Variants in SNX29 observed in about 807,000 individuals in gnomAD.
SNX29 encodes the protein sorting nexin-29.
SNX29 carries 78 observed loss-of-function variants against 102.1 expected under a neutral mutation model. The ratio of observed to expected loss-of-function variants is 0.76; its 90% confidence interval spans 0.64 to 0.92. SNX29 has a LOEUF of 0.92. Ranked by LOEUF, SNX29 falls within the 40% of genes least tolerant of loss-of-function variation. SNX29 has a pLI of 0.00. For synonymous variants in SNX29, 580 were observed against 414.5 expected, an observed-to-expected ratio of 1.40 and a Z score of -4.85; for missense variants, 1,280 against 1,061.7, an observed-to-expected ratio of 1.21 and a Z score of -2.86.
chr16:12,109,313 C>A (rs1285910936), intron 11 of SNX29, among the ~76,000 whole-genome samples: 1 of 151,668 alleles, frequency 6.6e-6, no homozygotes, highest in Non-Finnish European at 1.5e-5. Context: ...GAGCTCAGGT[C>A]TCTCTTCCTC....
At chr16:12,545,444 A>G (rs1002184438) in intron 20 of SNX29, 1 of 152,226 alleles carries the variant, frequency 6.6e-6, no homozygotes, top group Non-Finnish European at 1.5e-5. Context: ...TGTTCCTTCC[A>G]GGGCTTGTGG....
At chr16:12,245,625 T>C (rs1004749145) in intron 14 of SNX29, among the ~76,000 whole-genome samples, 1 of 152,124 alleles carries the variant, frequency 6.6e-6, no homozygotes, top group African/African-American at 2.4e-5. Context: ...AACCCGTCGT[T>C]GTGATTTAGC....
At chr16:12,550,421 C>G (rs2856778) in intron 20 of SNX29, among the ~76,000 whole-genome samples, 24 of 151,680 alleles carry the variant, frequency 1.6e-4, no homozygotes, top group African/African-American at 5.3e-4. Context: ...TGTACTCCCA[C>G]CTACTTGGGA....
At chr16:12,421,506 A>G (rs1292582129) in intron 18 of SNX29, among the ~76,000 whole-genome samples, 2 of 152,364 alleles carry the variant, frequency 1.3e-5, no homozygotes, top group East Asian at 1.9e-4. Context: ...CCCTTAACAC[A>G]TATAGGGTGT....
intron 6 of SNX29, among the ~76,000 whole-genome samples, chr16:12,047,063 C>T (rs545269948): frequency 3.3e-5 from 5 of 152,234 alleles, no homozygotes; most frequent in Non-Finnish European, 7.3e-5. Flanking sequence ...GGCTTTACCC[C>T]TTGCTACCTG....
At chr16:12,549,301 C>T (rs762918952) in intron 20 of SNX29, among the ~76,000 whole-genome samples, 2 of 152,108 alleles carry the variant, frequency 1.3e-5, no homozygotes, top group African/African-American at 2.4e-5. Context: ...TGGAAACCAG[C>T]CTGGTCAATA....
chr16:12,160,008 T>G (rs2055715952), intron 13 of SNX29, among the ~76,000 whole-genome samples: 1 of 152,148 alleles, frequency 6.6e-6, no homozygotes, highest in Admixed American at 6.5e-5. Flanking sequence ...CTGGGAACTC[T>G]AAGTAAGTCC....
chr16:12,293,866 A>G (rs928302588), intron 15 of SNX29, among the ~76,000 whole-genome samples: 6 of 152,204 alleles, frequency 3.9e-5, no homozygotes, highest in Non-Finnish European at 7.3e-5. Flanking sequence ...CAGTGCTTAT[A>G]CGGTGCCAGG....
At chr16:12,118,294 T>C (rs530521371) in intron 11 of SNX29, among the ~76,000 whole-genome samples, 1 of 144,768 alleles carries the variant, frequency 6.9e-6, no homozygotes, top group Non-Finnish European at 1.5e-5. Flanking sequence ...AGACTGTAGA[T>C]AGTAGATATA....
intron 11 of SNX29, among the ~76,000 whole-genome samples, chr16:12,124,502 TC>T (rs1451914876): frequency 6.6e-6 from 1 of 152,242 alleles, no homozygotes; most frequent in Non-Finnish European, 1.5e-5. Flanking sequence ...AATTATTATT[TC>T]CTTAGCGGAG....
intron 1 of SNX29, among the ~76,000 whole-genome samples, chr16:11,986,657 A>G (rs1464444056): frequency 1.3e-5 from 2 of 152,168 alleles, no homozygotes; most frequent in African/African-American, 2.4e-5. Context: ...TACCGCAGCT[A>G]TTTAACCTCT....
At chr16:12,450,595 G>T (rs1298581058) in intron 18 of SNX29, among the ~76,000 whole-genome samples, 1 of 152,236 alleles carries the variant, frequency 6.6e-6, no homozygotes, top group African/African-American at 2.4e-5. Context: ...CGGTGTGAGA[G>T]AAGGGAAGAC....
chr16:12,523,361 A>G (rs1215376750), intron 19 of SNX29, among the ~76,000 whole-genome samples: 3 of 152,182 alleles, frequency 2.0e-5, no homozygotes, highest in Non-Finnish European at 4.4e-5. Flanking sequence ...TGAGGTTGGA[A>G]TGACCCCGTT....
chr16:12,312,585 G>C (rs951123925), intron 15 of SNX29, among the ~76,000 whole-genome samples: 6 of 152,042 alleles, frequency 3.9e-5, no homozygotes, highest in African/African-American at 1.4e-4. Context: ...GGGAGGCCAG[G>C]GGGTCTCGCA....
At chr16:12,503,341 A>G (rs1172961847) in intron 19 of SNX29, among the ~76,000 whole-genome samples, 1 of 152,200 alleles carries the variant, frequency 6.6e-6, no homozygotes, top group African/African-American at 2.4e-5. Context: ...CTCCAGGTGC[A>G]GTCTAGGTGG....
chr16:12,006,568 T>A (rs76148553), intron 3 of SNX29, among the ~76,000 whole-genome samples: 6,506 of 151,228 alleles, frequency 0.043, 207 homozygotes, highest in Non-Finnish European at 0.058. Flanking sequence ...TGACTACTTT[T>A]GCTACATTTT....
intron 16 of SNX29, among the ~76,000 whole-genome samples, chr16:12,382,307 T>C (rs367661474): frequency 8.5e-5 from 13 of 152,288 alleles, no homozygotes; most frequent in African/African-American, 2.4e-4. Context: ...AGCAGAGTCA[T>C]GGTGTGAACC....
chr16:12,553,207 A>G (rs76704088), intron 20 of SNX29, among the ~76,000 whole-genome samples: 2,337 of 152,246 alleles, frequency 0.015, 55 homozygotes, highest in African/African-American at 0.053. Flanking sequence ...TATTTCCAGT[A>G]GCCATGCTCG....
At chr16:12,488,441 T>TCCC (rs35213858) in intron 19 of SNX29, among the ~76,000 whole-genome samples, 3 of 151,590 alleles carry the variant, frequency 2.0e-5, no homozygotes, top group African/African-American at 7.3e-5. Flanking sequence ...CTTCCCGCAG[T>TCCC]CCCCCCCGTC....
Sources: gnomAD v4.1 joint callset for allele counts (sites outside exome capture counted in the v4.1 genomes callset) on GRCh38, gnomAD v4.1.1 for gene constraint, MANE v1.5 for transcripts, NCBI Gene and HGNC (gene_info 2026-07-23, HGNC 2026-07-21) for gene names.